The following ATAD3C variants were observed in gnomAD, a reference collection of about 807,000 sequenced individuals.
The protein encoded by ATAD3C is ATPase family AAA domain-containing protein 3C.
In ATAD3C, 38 loss-of-function variants were observed where a neutral mutation model predicts 46.3. That is an observed-to-expected ratio of 0.82 (90% confidence interval 0.63 to 1.08). The LOEUF (loss-of-function observed/expected upper bound fraction) is 1.08. Ranked by LOEUF, ATAD3C falls within the 50% of genes least tolerant of loss-of-function variation. The probability of loss-of-function intolerance (pLI) is 0.00; values close to 1 mark genes in which losing one functional copy is unlikely to be tolerated. For missense variants in ATAD3C, 563 were observed against 572.7 expected, an observed-to-expected ratio of 0.98 and a Z score of 0.17; for synonymous variants, 220 against 236.4, an observed-to-expected ratio of 0.93 and a Z score of 0.63.
At chr1:1,457,521 G>T (rs940350674) in intron 8 of ATAD3C, among the ~76,000 whole-genome samples, 1 of 146,482 alleles carries the variant, frequency 6.8e-6, no homozygotes, top group Non-Finnish European at 1.5e-5. Flanking sequence ...GCGTGAACCC[G>T]GGAGGCGAAG....
chr1:1,465,435 CA>C (rs1252953042), intron 11 of ATAD3C, among the ~76,000 whole-genome samples: 2 of 150,300 alleles, frequency 1.3e-5, no homozygotes, highest in African/African-American at 2.4e-5. Context: ...GCTAAAAATA[CA>C]AAAAATTAGC....
chr1:1,463,287 G>A (rs187424803), intron 11 of ATAD3C, among the ~76,000 whole-genome samples: 39 of 152,212 alleles, frequency 2.6e-4, no homozygotes, highest in African/African-American at 8.2e-4. Context: ...TTTGGTCTTT[G>A]GGGGTTGCTG....
rs995219945 is a variant in ATAD3C, at chr1:1,454,393, G to T, written c.271G>T (p.Ala91Ser). ...LAVGVYSAKNATAVTGRYIEA... is the reference protein window; with the variant it reads ...LAVGVYSAKNSTAVTGRYIEA... ...TGTCGGGGTCTACTCAGCCAAGAATGCGACAGCCGTCACTGGCCGCTACAT... is the reference window on the plus strand; with the variant it reads ...TGTCGGGGTCTACTCAGCCAAGAATTCGACAGCCGTCACTGGCCGCTACAT... The change falls in exon 4 of 12, where the codon GCG becomes TCG. Residue 91 changes from alanine (A) to serine (S), a missense_variant. Ala to Ser is a moderately conservative substitution (Grantham distance 99). This residue lies in a region of ATAD3C where 263 missense variants were observed against 243.1 expected (regional missense o/e 1.08). Coordinates refer to ENST00000378785, the MANE Select transcript of ATAD3C (RefSeq NM_001039211.3). The T allele has an allele frequency of 6.9e-6, 11 of 1,603,652 alleles. No homozygotes were observed. The African/African-American group carries it at 1.3e-4, about 20-fold the overall frequency.
intron 8 of ATAD3C, among the ~76,000 whole-genome samples, chr1:1,458,337 C>T (rs938147936): frequency 5.3e-5 from 8 of 151,558 alleles, no homozygotes; most frequent in African/African-American, 1.7e-4. Flanking sequence ...TGCAATGGCG[C>T]GATCTTGGCT....
intron 11 of ATAD3C, among the ~76,000 whole-genome samples, chr1:1,465,105 C>A (rs1412410548): frequency 6.6e-6 from 1 of 150,942 alleles, no homozygotes; most frequent in African/African-American, 2.4e-5. Flanking sequence ...AGGCTGGTCT[C>A]GGTCTCCTGA....
chr1:1,459,854 C>T lies in ATAD3C; in HGVS notation c.812+623C>T, dbSNP rs1639026730. Among the ~76,000 whole-genome samples, 1 of 152,008 alleles carries T rather than the reference C, an allele frequency of 6.6e-6. No individual in the cohort carries two copies. On this transcript the variant is annotated intron_variant, in intron 9 of 11. Coordinates refer to ENST00000378785, the MANE Select transcript of ATAD3C (RefSeq NM_001039211.3). This position sits in a 1 kb window ranked among gnomAD's most constrained non-coding sequence, Gnocchi z 4.9. ...TTGAGTTTTCTTGGTCTCCTGGGTC[C>T]CTCCAGCCCCAGTCACGTGTCACAT...
chr1:1,450,770 C>T lies in ATAD3C; in HGVS notation c.75+12C>T, dbSNP rs755475945. On this transcript the variant is annotated intron_variant, in intron 1 of 11. Transcript: ENST00000378785. Reference sequence around the variant, plus strand: ...AGTCCAAGCTCAAAGTGAGTGGGGCCGGTGTGGGCGGGGAGGCCGGGGCAC... The same window carrying T: ...AGTCCAAGCTCAAAGTGAGTGGGGCTGGTGTGGGCGGGGAGGCCGGGGCAC... 70 of 1,612,276 alleles carry T rather than the reference C, an allele frequency of 4.3e-5. No homozygotes were observed. In the Middle Eastern group the frequency reaches 5.5e-4, roughly 13 times the overall value.
intron 1 of ATAD3C, among the ~76,000 whole-genome samples, chr1:1,451,621 C>T (rs1638860350): frequency 6.6e-6 from 1 of 152,114 alleles, no homozygotes; most frequent in South Asian, 2.1e-4. Flanking sequence ...GCTGGGATTA[C>T]AGGTGTGAGC....
intron 11 of ATAD3C, among the ~76,000 whole-genome samples, chr1:1,463,776 G>C (rs1170332850): frequency 6.6e-6 from 1 of 151,950 alleles, no homozygotes; most frequent in Admixed American, 6.6e-5. Context: ...GCTAGACCTA[G>C]TGGTGCATAC....
intron 11 of ATAD3C, among the ~76,000 whole-genome samples, chr1:1,467,867 C>T (rs1256247065): frequency 1.3e-5 from 2 of 152,094 alleles, no homozygotes; most frequent in South Asian, 2.1e-4. Flanking sequence ...CCAGCAGCTC[C>T]AGCCTTCACA....
At position 1,451,939 on chromosome 1, in the gene ATAD3C, G is replaced by A. The variant is rs111805964; in HGVS notation, c.76-107G>A. Reference sequence around the variant, plus strand: ...GGCGTCTGCAGGTCCCCAGGTGCCCGGGACGCTTGGAGCCCTGCGGTCCTG... The same window carrying A: ...GGCGTCTGCAGGTCCCCAGGTGCCCAGGACGCTTGGAGCCCTGCGGTCCTG... On this transcript the variant is annotated intron_variant, in intron 1 of 11. Coordinates refer to ENST00000378785, the MANE Select transcript of ATAD3C (RefSeq NM_001039211.3). 1.8e-3 allele frequency: 2,675 copies of A among 1,501,010 alleles called. 53 individuals carry two copies. In the African/African-American group the frequency reaches 0.032, roughly 18 times the overall value. The allele number at this position is 1,501,010 out of a possible 1,614,324, so 93.0% of individuals were successfully genotyped here.
chr1:1,456,828 T>TGCTCATG (rs1324384175), intron 7 of ATAD3C, among the ~76,000 whole-genome samples: 1 of 151,462 alleles, frequency 6.6e-6, no homozygotes, highest in Non-Finnish European at 1.5e-5. Flanking sequence ...GGAACCACGA[T>TGCTCATG]GCTCATGGTT....
intron 4 of ATAD3C, 83 bp downstream of exon 4, chr1:1,454,583 C>A (rs1185143216): frequency 2.7e-6 from 4 of 1,499,592 alleles, no homozygotes; most frequent in Non-Finnish European, 3.5e-6. Context: ...CACGCATATA[C>A]TCCTGTCCCT....
In ATAD3C at chr1:1,450,348, G is replaced by T; in HGVS notation, c.-336G>T. On this transcript the variant is annotated 5_prime_UTR_variant, in exon 1 of 12. Transcript: ENST00000378785. ...AAAAAAAAAAAAAAAAAAAGCATGT[G>T]TAACGTGAAAAAATGGACACTTTAG... The T allele has an allele frequency of 1.2e-5, 3 of 244,490 alleles. No homozygotes were observed. Among genetic ancestry groups the T allele is most frequent in the Non-Finnish European group, 2.4e-5 (3 of 124,368 alleles). 15.1% of individuals were successfully genotyped at this position (244,490 alleles called of 1,614,324 possible).
rs772457300 is a variant in ATAD3C at position 1,450,111 on chromosome 1, G to A, written c.-573G>A. Reference sequence around the variant, plus strand: ...TGGGAGGCTGAGGTGGGCGGATCACGAGGTCAGGAGATCGAGACCATCCTG... The same window carrying A: ...TGGGAGGCTGAGGTGGGCGGATCACAAGGTCAGGAGATCGAGACCATCCTG... On this transcript the variant is annotated 5_prime_UTR_variant, in exon 1 of 12. Transcript: ENST00000378785. The A allele has an allele frequency of 2.6e-5, 4 of 152,292 alleles. No homozygotes were observed. The highest frequency in any genetic ancestry group is 6.6e-5 in the Admixed American group (1 of 15,250). 9.4% of individuals were successfully genotyped at this position (152,292 alleles called of 1,614,324 possible).
chr1:1,455,670 G>A, intron 5 of ATAD3C, 121 bp from the exon 6 acceptor site: 1 of 1,557,018 alleles, frequency 6.4e-7, no homozygotes. Flanking sequence ...TAGATAGGCT[G>A]CCCACGAGCT....
Position 1,462,793 on chromosome 1 carries a change from G to A in ATAD3C, c.1089+85G>A, listed in dbSNP as rs570194900. The A allele has an allele frequency of 1.4e-4, 207 of 1,439,356 alleles. No homozygotes were observed. In the Admixed American group the frequency reaches 2.8e-3, roughly 20 times the overall value. 89.2% of individuals were successfully genotyped at this position (1,439,356 alleles called of 1,614,324 possible). A position where few individuals can be genotyped will look rare whatever the true frequency, so the allele number is the denominator to read the frequency against. ...GTTGCGCCAGGCCTGTCCCAGCACC[G>A]GTGTCACGTGGGAGCTTCTGTTGAG... On this transcript the variant is annotated intron_variant, in intron 11 of 11. Coordinates refer to ENST00000378785, the MANE Select transcript of ATAD3C (RefSeq NM_001039211.3). This position sits in a 1 kb window ranked among gnomAD's most constrained non-coding sequence, Gnocchi z 4.5.
rs1332662955 is a variant in ATAD3C, at chr1:1,462,805, G to C, written c.1089+97G>C. 8 of 1,411,334 alleles carry C rather than the reference G, an allele frequency of 5.7e-6. No homozygotes were observed. The highest frequency in any genetic ancestry group is 7.7e-6 in the Non-Finnish European group (8 of 1,035,308). The allele number at this position is 1,411,334 out of a possible 1,614,324, so 87.4% of individuals were successfully genotyped here. On this transcript the variant is annotated intron_variant, in intron 11 of 11. Transcript: ENST00000378785. The surrounding 1 kb of genome is among the most constrained non-coding windows in gnomAD (Gnocchi z 4.5). ...CTGTCCCAGCACCGGTGTCACGTGG[G>C]AGCTTCTGTTGAGGGGTTTTCAGTG...
intron 11 of ATAD3C, among the ~76,000 whole-genome samples, chr1:1,467,379 G>A (rs1462607785): frequency 6.6e-6 from 1 of 151,958 alleles, no homozygotes; most frequent in East Asian, 1.9e-4. Flanking sequence ...GTGGCGGTCC[G>A]GCTCCGGTCA....
Sources: allele counts gnomAD v4.1 joint callset (sites outside exome capture counted in the v4.1 genomes callset), GRCh38; gene constraint gnomAD v4.1.1; regional missense constraint gnomAD v4.1.1; non-coding constraint Gnocchi (gnomAD v3.1); transcripts MANE v1.5; gene names NCBI Gene and HGNC (gene_info 2026-07-23, HGNC 2026-07-21).